The following SORCS1 variants were observed in gnomAD, a reference collection of about 807,000 sequenced individuals.
The protein encoded by SORCS1 is sortilin related VPS10 domain containing receptor 1.
Under a neutral mutation model 146.1 loss-of-function variants are expected in SORCS1, and 60 were observed. The observed-to-expected ratio is 0.41, with a 90% CI of 0.33 to 0.51. The LOEUF (loss-of-function observed/expected upper bound fraction) is 0.51. Among genes scored for constraint, SORCS1 ranks in the 20% least tolerant of loss-of-function variants. The pLI, the probability that SORCS1 is intolerant of heterozygous loss-of-function variation, is 0.21. For synonymous variants in SORCS1, 637 were observed against 584.0 expected, an observed-to-expected ratio of 1.09 and a Z score of -1.31; for missense variants, 1,352 against 1,487.6, an observed-to-expected ratio of 0.91 and a Z score of 1.50.
At chr10:106,778,703 G>T (rs565841681) in intron 3 of SORCS1, among the ~76,000 whole-genome samples, 1 of 152,004 alleles carries the variant, frequency 6.6e-6, no homozygotes, top group African/African-American at 2.4e-5. Context: ...CACTACTGCC[G>T]AAAAGTCATT....
rs528802748 is a variant in SORCS1 at position 107,042,903 on chromosome 10, G to T, written c.559-86323C>A. On this transcript the variant is annotated intron_variant, in intron 1 of 25. Coordinates refer to ENST00000263054, the MANE Select transcript of SORCS1 (RefSeq NM_052918.5). ...GGGATTACAGGCATGAGCCTTGCCG[G>T]AAGTGAACTATTAAACACTGACACA... Among the ~76,000 whole-genome samples the T allele has an allele frequency of 7.9e-5, 12 of 152,160 alleles. No homozygotes were observed. In the South Asian group the frequency reaches 2.5e-3, roughly 32 times the overall value.
intron 1 of SORCS1, among the ~76,000 whole-genome samples, chr10:106,981,634 A>T (rs1216370952): frequency 6.6e-6 from 1 of 152,240 alleles, no homozygotes; most frequent in Non-Finnish European, 1.5e-5. Context: ...AGAGGACTCA[A>T]AAGAATAACT....
In SORCS1 at chr10:106,597,423, T is replaced by C; in HGVS notation, c.3193A>G (p.Asn1065Asp). Residue 1065 changes from asparagine to aspartate, a missense_variant, in exon 24 of 26, where the codon AAC becomes GAC. This residue lies in a region of SORCS1 where 214 missense variants were observed against 204.8 expected (regional missense o/e 1.05). Coordinates refer to ENST00000263054, the MANE Select transcript of SORCS1 (RefSeq NM_052918.5). ...QISELLIHTLNQNSVHFELKP... is the reference protein window; with the variant it reads ...QISELLIHTLDQNSVHFELKP... ...AGCTCGAAGTGTACTGAGTTTTGGT[T>C]GAGCGTGTGGATCAGCAATTCTGAT... The C allele has an allele frequency of 6.2e-7, 1 of 1,613,938 alleles. No homozygotes were observed. Among genetic ancestry groups the C allele is most frequent in the Non-Finnish European group, 8.5e-7 (1 of 1,179,854 alleles).
intron 22 of SORCS1, among the ~76,000 whole-genome samples, chr10:106,610,456 CT>C (rs1301460232): frequency 6.6e-6 from 1 of 152,010 alleles, no homozygotes; most frequent in East Asian, 1.9e-4. Flanking sequence ...ATGCAAAGCA[CT>C]CAAAAGAGTA....
At chr10:107,138,498 A>G (rs1967531165) in intron 1 of SORCS1, among the ~76,000 whole-genome samples, 1 of 152,122 alleles carries the variant, frequency 6.6e-6, no homozygotes, top group African/African-American at 2.4e-5. Context: ...AACTGTGCCC[A>G]GGGTTGATGG....
intron 4 of SORCS1, among the ~76,000 whole-genome samples, chr10:106,769,941 A>G (rs1278949606): frequency 6.6e-6 from 1 of 152,090 alleles, no homozygotes. Context: ...AAAAATGCAA[A>G]AATTAGACAG....
intron 6 of SORCS1, among the ~76,000 whole-genome samples, chr10:106,729,136 T>G (rs1460203077): frequency 6.6e-6 from 1 of 152,244 alleles, no homozygotes; most frequent in South Asian, 2.1e-4. Flanking sequence ...TGAAGTATTG[T>G]ATATGCATGG....
intron 1 of SORCS1, among the ~76,000 whole-genome samples, chr10:107,089,448 T>C (rs191298594): frequency 6.7e-4 from 102 of 152,288 alleles, no homozygotes; most frequent in African/African-American, 2.3e-3. Context: ...TGAAAATCTA[T>C]CTTGTCTTTA....
intron 1 of SORCS1, among the ~76,000 whole-genome samples, chr10:106,995,186 C>A (rs368492001): frequency 6.6e-6 from 1 of 151,694 alleles, no homozygotes; most frequent in Non-Finnish European, 1.5e-5. Context: ...TGGTGGCGGG[C>A]GCCTGTAGTC....
At chr10:107,042,661 G>A (rs984196815) in intron 1 of SORCS1, among the ~76,000 whole-genome samples, 3 of 151,112 alleles carry the variant, frequency 2.0e-5, no homozygotes, top group African/African-American at 7.3e-5. Context: ...CAAGGCTGGA[G>A]TGCAGTGGTG....
chr10:106,808,351 T>A (rs1462176376), intron 3 of SORCS1, among the ~76,000 whole-genome samples: 1 of 152,196 alleles, frequency 6.6e-6, no homozygotes, highest in Non-Finnish European at 1.5e-5. Context: ...TTCAGCTCAA[T>A]AAATGCACAT....
chr10:107,031,595 ATCTC>A (rs1228349911), intron 1 of SORCS1, among the ~76,000 whole-genome samples: 3 of 150,106 alleles, frequency 2.0e-5, no homozygotes, highest in East Asian at 1.9e-4. Flanking sequence ...ACCAATTTGT[ATCTC>A]TCTTTTTTTT....
At chr10:106,716,301 A>G (rs376007193) in intron 6 of SORCS1, among the ~76,000 whole-genome samples, 2 of 152,152 alleles carry the variant, frequency 1.3e-5, no homozygotes, top group East Asian at 3.9e-4. Context: ...GCTATCTTCT[A>G]GGTCCTAGTT....
At chr10:106,831,122 G>A (rs1226065605) in intron 2 of SORCS1, among the ~76,000 whole-genome samples, 3 of 152,098 alleles carry the variant, frequency 2.0e-5, no homozygotes, top group Non-Finnish European at 4.4e-5. Context: ...AAACCCGGGA[G>A]GTGGAGGTTG....
chr10:106,749,027 T>C (rs1857953565), intron 5 of SORCS1, among the ~76,000 whole-genome samples: 1 of 152,222 alleles, frequency 6.6e-6, no homozygotes, highest in Non-Finnish European at 1.5e-5. Flanking sequence ...GGTAGAAGCA[T>C]AATTTTGCTT....
intron 2 of SORCS1, among the ~76,000 whole-genome samples, chr10:106,889,503 C>T (rs1318911758): frequency 6.6e-6 from 1 of 151,968 alleles, no homozygotes; most frequent in African/African-American, 2.4e-5. Flanking sequence ...GTGGCTCATG[C>T]CTGTAATCCC....
intron 1 of SORCS1, among the ~76,000 whole-genome samples, chr10:107,056,731 A>G (rs917657079): frequency 6.6e-6 from 1 of 152,242 alleles, no homozygotes; most frequent in African/African-American, 2.4e-5. Flanking sequence ...ATGCAATGGT[A>G]AAACGTGTTC....
intron 2 of SORCS1, among the ~76,000 whole-genome samples, chr10:106,837,886 G>A (rs2137094998): frequency 6.6e-6 from 1 of 151,878 alleles, no homozygotes; most frequent in Admixed American, 6.6e-5. Context: ...CCACCCCTCA[G>A]CACACTCTGC....
At chr10:106,881,951 G>A (rs1265806790) in intron 2 of SORCS1, among the ~76,000 whole-genome samples, 1 of 152,134 alleles carries the variant, frequency 6.6e-6, no homozygotes, top group African/African-American at 2.4e-5. Flanking sequence ...GATCTCTGAG[G>A]GCAAGCTTGG....
Sources: gnomAD v4.1 joint callset for allele counts (sites outside exome capture counted in the v4.1 genomes callset) on GRCh38, gnomAD v4.1.1 for gene constraint, gnomAD v4.1.1 regional missense constraint, MANE v1.5 for transcripts, NCBI Gene and HGNC (gene_info 2026-07-23, HGNC 2026-07-21) for gene names.